The following FCRL3 variants were observed in gnomAD, a reference collection of about 807,000 sequenced individuals.
The protein encoded by FCRL3 is Fc receptor-like protein 3.
In FCRL3, 89 loss-of-function variants were observed where a neutral mutation model predicts 75.0. That is an observed-to-expected ratio of 1.19 (90% CI 1.00 to 1.42). The LOEUF (loss-of-function observed/expected upper bound fraction) is 1.42, where lower values mean the gene tolerates loss of function less well. Ranked by LOEUF, FCRL3 falls within the 40% of genes most tolerant of loss-of-function variation. The pLI is 0.00. For missense variants in FCRL3, 946 were observed against 880.0 expected (o/e 1.07, Z -0.95); for synonymous variants, 376 against 348.5 (o/e 1.08, Z -0.88).
intron 13 of FCRL3, among the ~76,000 whole-genome samples, chr1:157,679,830 C>CAAAAAAAAAAAAAAAAA (rs1166825112): frequency 1.6e-4 from 8 of 49,916 alleles, no homozygotes; most frequent in East Asian, 6.8e-4. Flanking sequence ...CCCCATCTCA[C>CAAAAAAAAAAAAAAAAA]AAAAAAAAAA....
At position 157,697,906 on chromosome 1, in the gene FCRL3, C is replaced by A. The variant is rs1656057054; in HGVS notation, c.312G>T (p.Leu104=). The change falls in exon 5 of 15, where the codon CTG becomes CTT. Residue 104 remains leucine, a synonymous_variant. Transcript: ENST00000368184. ...HVEFSPDWLI[L]QALHPVFEGD... ...CTTCAAAGACAGGATGTAAAGCCTG[C>A]AGGATCAGCCAGTCTGCAAAGAGCA... The A allele has an allele frequency of 6.2e-7, 1 of 1,613,708 alleles. No individual in the cohort carries two copies. The highest frequency in any genetic ancestry group is 2.2e-5 in the East Asian group (1 of 44,852).
At chr1:157,690,029 T>G in intron 9 of FCRL3, 112 bp from the exon 10 acceptor site, 8 of 1,493,510 alleles carry the variant, frequency 5.4e-6, no homozygotes, top group Non-Finnish European at 7.3e-6. Context: ...GTAGCATCAT[T>G]TGTAATTTTC....
chr1:157,690,630 A>G, intron 8 of FCRL3, 97 bp from the exon 9 acceptor site: 1 of 1,440,150 alleles, frequency 6.9e-7, no homozygotes, highest in East Asian at 2.3e-5. Context: ...TTGCGGGAAC[A>G]TGCACCTGGA....
chr1:157,680,730 C>G lies in FCRL3; in HGVS notation c.1998G>C (p.Trp666Cys). The G allele has an allele frequency of 6.2e-7, 1 of 1,614,056 alleles. No individual in the cohort carries two copies. ...AGTTTTCTTTTGTATGCTGGATGCTCCAGATCTGGGAATAAATCGGGTTGC... is the reference window on the plus strand; with the variant it reads ...AGTTTTCTTTTGTATGCTGGATGCTGCAGATCTGGGAATAAATCGGGTTGC... ...GDSNPIYSQI[W>C]SIQHTKENSA... Residue 666 changes from tryptophan to cysteine, a missense_variant, in exon 13 of 15, where the codon TGG (tryptophan) becomes TGC (cysteine). Transcript: ENST00000368184.
rs946944595 is a variant in FCRL3, at chr1:157,677,556, C to T, written c.*1154G>A. ...ATTGTTGGTACATTTTCATTTTTGT[C>T]ATATTAAAAATTCAACACACTGTGG... On this transcript the variant is annotated 3_prime_UTR_variant, in exon 15 of 15. Transcript: ENST00000368184. 25 of 985,172 alleles carry T rather than the reference C, an allele frequency of 2.5e-5. No individual in the cohort carries two copies. In the African/African-American group the frequency reaches 3.8e-4, roughly 15 times the overall value. 61.0% of individuals were successfully genotyped at this position (985,172 alleles called of 1,614,324 possible). A position where few individuals can be genotyped will look rare whatever the true frequency, so the allele number is the denominator to read the frequency against.
At chr1:157,695,705 G>A in intron 7 of FCRL3, 98 bp from the exon 8 acceptor site, 4 of 1,359,424 alleles carry the variant, frequency 2.9e-6, no homozygotes, top group Non-Finnish European at 4.0e-6. Flanking sequence ...CTTGTCCCTT[G>A]ATTGTTTCTG....
intron 6 of FCRL3, 50 bp from the exon 7 acceptor site, chr1:157,696,377 A>G (rs768913583): frequency 6.3e-7 from 1 of 1,597,510 alleles, no homozygotes; most frequent in South Asian, 1.1e-5. Context: ...AGGGACATCA[A>G]GGTCAAGGGG....
rs1216611156 is a variant in FCRL3, at chr1:157,690,271, C to A, written c.1674G>T (p.Val558=). The A allele has an allele frequency of 6.2e-7, 1 of 1,614,214 alleles. No homozygotes were observed. The highest frequency in any genetic ancestry group is 2.2e-5 in the East Asian group (1 of 44,888). The part of the protein sequence containing the change: ...NGLGAQHSKV[V]TLNVTGTSRN... Reference sequence around the variant, plus strand: ...TTAACACACCTGTAACATTGAGTGTCACCACTTTACTGTGCTGGGCCCCCA... The same window carrying A: ...TTAACACACCTGTAACATTGAGTGTAACCACTTTACTGTGCTGGGCCCCCA... The change falls in exon 9 of 15, where the codon GTG becomes GTT. Residue 558 remains valine (V), a synonymous_variant. Transcript: ENST00000368184.
chr1:157,696,989 G>C (rs907920392), intron 6 of FCRL3, 151 bp downstream of exon 6: 1 of 718,652 alleles, frequency 1.4e-6, no homozygotes, highest in Admixed American at 4.0e-5. Flanking sequence ...TTCTAGGGCT[G>C]TTAGACCAAC....
In FCRL3 at chr1:157,683,098, T is replaced by C; in HGVS notation, c.1838+119A>G. On this transcript the variant is annotated intron_variant, in intron 11 of 14. Coordinates refer to ENST00000368184, the MANE Select transcript of FCRL3 (RefSeq NM_052939.4). The stretch of plus-strand genomic sequence containing the variant: ...TTCACTTATATCTACTTTTTTATTT[T>C]GTAAGAACGTAAAAATGCTACTAGG... 2.6e-6 allele frequency: 3 copies of C among 1,139,398 alleles called. No homozygotes were observed. The South Asian group carries it at 4.6e-5, about 18-fold the overall frequency. The allele number at this position is 1,139,398 out of a possible 1,614,324, so 70.6% of individuals were successfully genotyped here. A position where few individuals can be genotyped will look rare whatever the true frequency, so the allele number is the denominator to read the frequency against.
At chr1:157,684,487 T>G (rs2101595722) in intron 10 of FCRL3, among the ~76,000 whole-genome samples, 1 of 152,236 alleles carries the variant, frequency 6.6e-6, no homozygotes, top group South Asian at 2.1e-4. Flanking sequence ...CAATAACCAG[T>G]ATCTTTTCTG....
chr1:157,698,777 A>T, intron 3 of FCRL3, 148 bp from the exon 4 acceptor site: 1 of 743,650 alleles, frequency 1.3e-6, no homozygotes, highest in Non-Finnish European at 2.2e-6. Context: ...TAACCTAGGG[A>T]AATGCCTGGG....
At chr1:157,691,591 T>C (rs1655547655) in intron 8 of FCRL3, among the ~76,000 whole-genome samples, 1 of 152,150 alleles carries the variant, frequency 6.6e-6, no homozygotes, top group Non-Finnish European at 1.5e-5. Flanking sequence ...AAGTGTAGAG[T>C]TCCTGCTAAA....
rs531281802 is a variant in FCRL3 at position 157,698,568 on chromosome 1, T to C, written c.114A>G (p.Glu38=). Residue 38 remains glutamate, a synonymous_variant, in exon 4 of 15, where the codon GAA becomes GAG. Coordinates refer to ENST00000368184, the MANE Select transcript of FCRL3 (RefSeq NM_052939.4). ...TGCTGCTGCATATGAGAGCCACTTTTTCTCCTTTGAAGGCTGTGGACCATG... is the reference window on the plus strand; with the variant it reads ...TGCTGCTGCATATGAGAGCCACTTTCTCTCCTTTGAAGGCTGTGGACCATG... ...NPPWSTAFKG[E]KVALICSSIS... The C allele has an allele frequency of 3.7e-6, 6 of 1,614,168 alleles. No individual in the cohort carries two copies. The East Asian group carries it at 1.3e-4, about 36-fold the overall frequency.
At chr1:157,683,715 C>CT (rs756329254) in intron 10 of FCRL3, among the ~76,000 whole-genome samples, 1 of 152,130 alleles carries the variant, frequency 6.6e-6, no homozygotes, top group Non-Finnish European at 1.5e-5. Context: ...ACTGTGACCC[C>CT]TCACCCCTGC....
rs1655465710 is a variant in FCRL3 at position 157,690,614 on chromosome 1, G to C, written c.1412-81C>G. 7 of 1,519,786 alleles carry C rather than the reference G, an allele frequency of 4.6e-6. No homozygotes were observed. In the East Asian group the frequency reaches 1.6e-4, roughly 35 times the overall value. The allele number at this position is 1,519,786 out of a possible 1,614,324, so 94.1% of individuals were successfully genotyped here. On this transcript the variant is annotated intron_variant, in intron 8 of 14. Coordinates refer to ENST00000368184, the MANE Select transcript of FCRL3 (RefSeq NM_052939.4). Reference sequence around the variant, plus strand: ...ACTTAATAAAGGAATATGCAGCATAGTTGAGTTGCGGGAACATGCACCTGG... The same window carrying C: ...ACTTAATAAAGGAATATGCAGCATACTTGAGTTGCGGGAACATGCACCTGG...
chr1:157,698,381 C>T lies in FCRL3; in HGVS notation c.298+3G>A. ...CTTTAGACACTCCCCTTCCATTCCT[C>T]ACCAGGTGAAAATTCCACATGCACG... On this transcript the variant is annotated splice_donor_region_variant and intron_variant, in intron 4 of 14. Transcript: ENST00000368184. 6.2e-7 allele frequency: 1 copy of T among 1,614,146 alleles called. No homozygotes were observed. Among genetic ancestry groups the T allele is most frequent in the Non-Finnish European group, 8.5e-7 (1 of 1,179,994 alleles).
chr1:157,698,903 T>A (rs1041689904), intron 3 of FCRL3, among the ~76,000 whole-genome samples: 3 of 152,224 alleles, frequency 2.0e-5, no homozygotes, highest in Non-Finnish European at 4.4e-5. Context: ...GATTTGCCAT[T>A]GGGCAAAAAC....
intron 8 of FCRL3, among the ~76,000 whole-genome samples, chr1:157,694,388 A>C (rs553119760): frequency 6.6e-6 from 1 of 152,298 alleles, no homozygotes; most frequent in East Asian, 1.9e-4. Flanking sequence ...TTAAATCATT[A>C]CCCAAGTTTG....
Sources: allele counts gnomAD v4.1 joint callset (sites outside exome capture counted in the v4.1 genomes callset), GRCh38; gene constraint gnomAD v4.1.1; transcripts MANE v1.5; gene names NCBI Gene and HGNC (gene_info 2026-07-23, HGNC 2026-07-21).